Variants in SGK3 observed in about 807,000 individuals in gnomAD.
SGK3 encodes serum/glucocorticoid regulated kinase family member 3.
Under a neutral mutation model 68.5 loss-of-function variants are expected in SGK3, and 47 were observed. The ratio of observed to expected loss-of-function variants is 0.69; its 90% CI spans 0.54 to 0.87. The LOEUF (loss-of-function observed/expected upper bound fraction) is 0.87. SGK3 is among the 40% of genes least tolerant of loss of function. The pLI, the probability that SGK3 is intolerant of heterozygous loss-of-function variation, is 0.00. For missense variants in SGK3, 479 were observed against 575.5 expected, an observed-to-expected ratio of 0.83 and a Z score of 1.72; for synonymous variants, 181 against 189.1, an observed-to-expected ratio of 0.96 and a Z score of 0.35.
At chr8:66,722,741 T>A (rs1804831028) in intron 1 of SGK3, among the ~76,000 whole-genome samples, 1 of 151,692 alleles carries the variant, frequency 6.6e-6, no homozygotes, top group Admixed American at 6.6e-5. Flanking sequence ...AGAAAAGAGG[T>A]TTAATTGGCC....
chr8:66,747,692 G>C (rs1805692108), intron 1 of SGK3, among the ~76,000 whole-genome samples: 1 of 152,038 alleles, frequency 6.6e-6, no homozygotes, highest in Non-Finnish European at 1.5e-5. Context: ...TGAGTAGCTG[G>C]GACTACAGGT....
At chr8:66,800,070 G>A (rs1197782486) in intron 3 of SGK3, among the ~76,000 whole-genome samples, 1 of 152,030 alleles carries the variant, frequency 6.6e-6, no homozygotes, top group African/African-American at 2.4e-5. Context: ...GGCCAGGCAC[G>A]GTGGCTCACA....
intron 15 of SGK3, among the ~76,000 whole-genome samples, chr8:66,849,488 C>G (rs574707248): frequency 4.6e-5 from 7 of 152,194 alleles, no homozygotes; most frequent in East Asian, 1.9e-4. Flanking sequence ...TTGTCCTACT[C>G]TTTGTCATCT....
chr8:66,764,260 T>A (rs1381751679), intron 1 of SGK3, among the ~76,000 whole-genome samples: 5 of 152,250 alleles, frequency 3.3e-5, no homozygotes, highest in Non-Finnish European at 1.5e-5. Flanking sequence ...AGTTCTTTTG[T>A]CCTTTGAGTT....
intron 1 of SGK3, among the ~76,000 whole-genome samples, chr8:66,773,642 G>A (rs988592155): frequency 6.6e-6 from 1 of 152,134 alleles, no homozygotes; most frequent in South Asian, 2.1e-4. Context: ...TAAAATAAGG[G>A]TTCCTTGAAC....
At chr8:66,814,691 C>T (rs2130646263) in intron 5 of SGK3, among the ~76,000 whole-genome samples, 1 of 152,320 alleles carries the variant, frequency 6.6e-6, no homozygotes, top group South Asian at 2.1e-4. Context: ...GTCCAGCAGC[C>T]ATTAAGATAA....
Position 66,846,572 on chromosome 8 carries a change from C to G in SGK3, c.1075-621C>G, listed in dbSNP as rs192543129. On this transcript the variant is annotated intron_variant, in intron 14 of 16. Coordinates refer to ENST00000521198, the MANE Select transcript of SGK3 (RefSeq NM_001033578.3). ...CAAGCAATCTGCCCACCTCAGCCCC[C>G]CAAAGTGCTGGGATTACAGGCGTGA... is the stretch of plus-strand genomic sequence containing the variant. 2.4e-4 allele frequency among the ~76,000 whole-genome samples: 36 copies of G among 152,288 alleles called. 1 individual carries two copies. The highest frequency in any genetic ancestry group is 3.4e-3 in the Middle Eastern group (1 of 294).
chr8:66,840,154 CAA>C, intron 11 of SGK3, 39 bp downstream of exon 11: 1 of 1,599,844 alleles, frequency 6.3e-7, no homozygotes, highest in South Asian at 1.1e-5. Context: ...TTGTATATAA[CAA>C]TATTTTATTT....
intron 10 of SGK3, among the ~76,000 whole-genome samples, chr8:66,838,149 T>C (rs143101673): frequency 1.6e-4 from 24 of 152,282 alleles, no homozygotes; most frequent in Middle Eastern, 3.4e-3. Context: ...CACTGCAACC[T>C]CCAACTCCCT....
At chr8:66,786,606 TG>T (rs1807208943) in intron 1 of SGK3, among the ~76,000 whole-genome samples, 1 of 152,246 alleles carries the variant, frequency 6.6e-6, no homozygotes, top group Non-Finnish European at 1.5e-5. Flanking sequence ...CTCTATTGCC[TG>T]TTAGTTGCAT....
At chr8:66,787,277 G>A (rs1212391641) in intron 1 of SGK3, among the ~76,000 whole-genome samples, 1 of 152,038 alleles carries the variant, frequency 6.6e-6, no homozygotes, top group Non-Finnish European at 1.5e-5. Flanking sequence ...TGCATGATGA[G>A]CACTCAATAA....
intron 2 of SGK3, among the ~76,000 whole-genome samples, chr8:66,797,828 T>C (rs1386138818): frequency 6.6e-6 from 1 of 152,188 alleles, no homozygotes; most frequent in East Asian, 1.9e-4. Flanking sequence ...TATTTTATTC[T>C]TTGGCAAAAA....
intron 3 of SGK3, among the ~76,000 whole-genome samples, chr8:66,800,494 A>T (rs1807897583): frequency 6.6e-6 from 1 of 151,500 alleles, no homozygotes; most frequent in Non-Finnish European, 1.5e-5. Context: ...TAAACATAGG[A>T]ATAAATATAT....
chr8:66,839,506 T>TAG (rs1809685183), intron 10 of SGK3, among the ~76,000 whole-genome samples: 2 of 15,886 alleles, frequency 1.3e-4, no homozygotes, highest in African/African-American at 5.7e-4. Flanking sequence ...GAGATATATA[T>TAG]ATATATATAT....
At chr8:66,749,463 C>G (rs902370024) in intron 1 of SGK3, among the ~76,000 whole-genome samples, 2 of 152,094 alleles carry the variant, frequency 1.3e-5, no homozygotes, top group African/African-American at 4.8e-5. Flanking sequence ...TTGATGGACA[C>G]TTGGGTTGTT....
intron 3 of SGK3, among the ~76,000 whole-genome samples, chr8:66,802,786 C>T (rs1341667391): frequency 6.6e-6 from 1 of 151,888 alleles, no homozygotes; most frequent in Non-Finnish European, 1.5e-5. Context: ...GGTTAATTAT[C>T]AAACACATAC....
intron 1 of SGK3, among the ~76,000 whole-genome samples, chr8:66,731,064 A>G (rs150819007): frequency 4.6e-5 from 7 of 152,248 alleles, no homozygotes; most frequent in Non-Finnish European, 7.4e-5. Context: ...TAATTTCCAC[A>G]TATTTGTGAA....
intron 1 of SGK3, among the ~76,000 whole-genome samples, chr8:66,773,651 A>G (rs1193613710): frequency 6.6e-6 from 1 of 152,186 alleles, no homozygotes; most frequent in Admixed American, 6.5e-5. Context: ...GGTTCCTTGA[A>G]CACAAGCACT....
At chr8:66,788,071 G>A (rs538744518) in intron 1 of SGK3, among the ~76,000 whole-genome samples, 90 of 152,304 alleles carry the variant, frequency 5.9e-4, no homozygotes, top group African/African-American at 2.0e-3. Flanking sequence ...ATAAACAAGC[G>A]TGCCTTTTTC....
Sources: gnomAD v4.1 joint callset for allele counts (sites outside exome capture counted in the v4.1 genomes callset) on GRCh38, gnomAD v4.1.1 for gene constraint, MANE v1.5 for transcripts, NCBI Gene and HGNC (gene_info 2026-07-23, HGNC 2026-07-21) for gene names.